The following PDE4D variants were observed in gnomAD, a reference collection of about 807,000 sequenced individuals.
PDE4D encodes 3',5'-cyclic-AMP phosphodiesterase 4D.
In PDE4D, 24 loss-of-function variants were observed where a neutral mutation model predicts 87.4. The observed-to-expected ratio is 0.27, with a 90% CI of 0.20 to 0.39. PDE4D has a LOEUF of 0.39. Ranked by LOEUF, PDE4D falls within the 10% of genes least tolerant of loss-of-function variation. PDE4D has a pLI of 1.00. For synonymous variants in PDE4D, 384 were observed against 383.2 expected (o/e 1.00, Z -0.02); for missense variants, 714 against 1,041.0 (o/e 0.69, Z 4.32).
chr5:60,512,632 C>T (rs540547963), intron 1 of PDE4D, among the ~76,000 whole-genome samples: 1 of 152,160 alleles, frequency 6.6e-6, no homozygotes, highest in African/African-American at 2.4e-5. Flanking sequence ...TCTTCAAATG[C>T]CTAAGGAAAA....
At chr5:59,415,285 G>A (rs892521177) in intron 1 of PDE4D, among the ~76,000 whole-genome samples, 1 of 152,172 alleles carries the variant, frequency 6.6e-6, no homozygotes, top group Non-Finnish European at 1.5e-5. Flanking sequence ...TTTTCTTCAG[G>A]AGAGCTTCTT....
chr5:59,396,988 G>A (rs866728752), intron 1 of PDE4D, among the ~76,000 whole-genome samples: 1 of 121,802 alleles, frequency 8.2e-6, no homozygotes, highest in African/African-American at 3.3e-5. Context: ...GACAAAGAAG[G>A]CCATTACATA....
chr5:59,526,132 A>G (rs1813084166), intron 1 of PDE4D, among the ~76,000 whole-genome samples: 1 of 152,182 alleles, frequency 6.6e-6, no homozygotes, highest in South Asian at 2.1e-4. Flanking sequence ...ACTCCTCACT[A>G]GATAAACATT....
intron 1 of PDE4D, among the ~76,000 whole-genome samples, chr5:59,603,251 C>T (rs780491527): frequency 4.2e-4 from 64 of 151,972 alleles, no homozygotes; most frequent in Middle Eastern, 3.4e-3. Flanking sequence ...ACAAGCTATA[C>T]CTCTAATAAG....
intron 2 of PDE4D, among the ~76,000 whole-genome samples, chr5:60,003,861 C>T (rs559861650): frequency 8.0e-4 from 121 of 152,028 alleles, no homozygotes; most frequent in African/African-American, 2.8e-3. Flanking sequence ...AATAGAGATC[C>T]CAGAAATAAA....
intron 2 of PDE4D, among the ~76,000 whole-genome samples, chr5:60,097,811 A>G (rs752629143): frequency 1.8e-4 from 27 of 151,834 alleles, no homozygotes; most frequent in Non-Finnish European, 3.7e-4. Context: ...TAATACACAA[A>G]TCAGAAAGGA....
chr5:60,193,178 A>C (rs1785333666), intron 1 of PDE4D, among the ~76,000 whole-genome samples: 2 of 152,068 alleles, frequency 1.3e-5, no homozygotes, highest in African/African-American at 2.4e-5. Context: ...CACTTCACCT[A>C]GGAAATAAAT....
intron 6 of PDE4D, among the ~76,000 whole-genome samples, chr5:58,994,386 C>T (rs1380409028): frequency 4.6e-5 from 7 of 152,062 alleles, no homozygotes; most frequent in Non-Finnish European, 8.8e-5. Flanking sequence ...TTTCAGAGTC[C>T]TTTGACTCTG....
intron 1 of PDE4D, among the ~76,000 whole-genome samples, chr5:59,888,264 C>CTT (rs1164892325): frequency 3.3e-5 from 5 of 152,194 alleles, no homozygotes; most frequent in Non-Finnish European, 4.4e-5. Flanking sequence ...TGTTCCTATC[C>CTT]TTTCCCTTCT....
At chr5:59,201,985 G>A (rs1255235820) in intron 2 of PDE4D, among the ~76,000 whole-genome samples, 1 of 149,704 alleles carries the variant, frequency 6.7e-6, no homozygotes, top group African/African-American at 2.5e-5. Flanking sequence ...CCAAACTCAG[G>A]CCACCTGTTT....
chr5:59,556,187 TCA>T (rs1228686317), intron 1 of PDE4D, among the ~76,000 whole-genome samples: 1 of 152,164 alleles, frequency 6.6e-6, no homozygotes, highest in Non-Finnish European at 1.5e-5. Context: ...GCAGTGAGTG[TCA>T]CACTGCACTA....
chr5:60,383,390 A>G (rs1561191873), intron 1 of PDE4D, among the ~76,000 whole-genome samples: 1 of 152,212 alleles, frequency 6.6e-6, no homozygotes, highest in African/African-American at 2.4e-5. Flanking sequence ...TGTACTTTCC[A>G]GAAAGCAATT....
chr5:60,449,199 A>G (rs1226371767), intron 1 of PDE4D, among the ~76,000 whole-genome samples: 1 of 151,956 alleles, frequency 6.6e-6, no homozygotes, highest in African/African-American at 2.4e-5. Flanking sequence ...GAAAAATCTT[A>G]GGATTTTAAA....
chr5:60,099,428 C>T (rs1418562196), intron 2 of PDE4D, among the ~76,000 whole-genome samples: 10 of 151,468 alleles, frequency 6.6e-5, no homozygotes, highest in Non-Finnish European at 1.5e-4. Context: ...AAATCAAAAA[C>T]ATTTGCATGG....
At chr5:60,171,069 T>C (rs954742757) in intron 2 of PDE4D, among the ~76,000 whole-genome samples, 1 of 152,002 alleles carries the variant, frequency 6.6e-6, no homozygotes, top group East Asian at 1.9e-4. Context: ...AGTTAAAATA[T>C]AGTGGAATTT....
At chr5:60,222,831 G>A (rs1343661031) in intron 1 of PDE4D, among the ~76,000 whole-genome samples, 2 of 151,988 alleles carry the variant, frequency 1.3e-5, no homozygotes, top group Non-Finnish European at 2.9e-5. Context: ...CATGGAACTT[G>A]GTACTAATTA....
chr5:59,607,142 CT>C (rs1365485810), intron 1 of PDE4D, among the ~76,000 whole-genome samples: 5 of 152,232 alleles, frequency 3.3e-5, no homozygotes, highest in African/African-American at 1.2e-4. Flanking sequence ...ATTCCTAACC[CT>C]ATTGATGACT....
At chr5:59,246,440 A>C (rs776772851) in intron 1 of PDE4D, among the ~76,000 whole-genome samples, 2 of 152,196 alleles carry the variant, frequency 1.3e-5, no homozygotes, top group Non-Finnish European at 2.9e-5. Flanking sequence ...TATCCTAATA[A>C]AAACACATAA....
At chr5:60,146,823 T>C (rs1356458779) in intron 2 of PDE4D, among the ~76,000 whole-genome samples, 1 of 152,164 alleles carries the variant, frequency 6.6e-6, no homozygotes, top group African/African-American at 2.4e-5. Context: ...AGGATCGGAA[T>C]AGACATTTCT....
Sources: gnomAD v4.1 joint callset for allele counts (sites outside exome capture counted in the v4.1 genomes callset) on GRCh38, gnomAD v4.1.1 for gene constraint, MANE v1.5 for transcripts, NCBI Gene and HGNC (gene_info 2026-07-23, HGNC 2026-07-21) for gene names.